DEAF1: variants seen among roughly 807,000 people sequenced by gnomAD.
DEAF1 encodes deformed epidermal autoregulatory factor 1 homolog.
DEAF1 carries 53 observed loss-of-function variants against 58.9 expected under a neutral mutation model. The ratio of observed to expected loss-of-function variants is 0.90; its 90% CI spans 0.72 to 1.13. The LOEUF (loss-of-function observed/expected upper bound fraction) is 1.13, where lower values mean the gene tolerates loss of function less well. DEAF1 is among the 50% of genes most tolerant of loss of function. DEAF1 has a pLI of 0.00. For synonymous variants in DEAF1, 385 were observed against 340.4 expected, an observed-to-expected ratio of 1.13 and a Z score of -1.44; for missense variants, 685 against 791.4, an observed-to-expected ratio of 0.87 and a Z score of 1.61.
At chr11:675,083 G>A (rs896102902) in intron 9 of DEAF1, among the ~76,000 whole-genome samples, 1 of 152,204 alleles carries the variant, frequency 6.6e-6, no homozygotes. Context: ...ACCTCGGGAG[G>A]CTGAGGCAGG....
chr11:651,695 G>T (rs1858779660), intron 11 of DEAF1, among the ~76,000 whole-genome samples: 1 of 152,154 alleles, frequency 6.6e-6, no homozygotes. Context: ...GACCATCCTG[G>T]CTAACACAGT....
At chr11:695,857 G>C (rs1263532430), upstream of DEAF1, 2 of 1,228,748 alleles carry the variant, frequency 1.6e-6, no homozygotes, top group Non-Finnish European at 2.0e-6. Flanking sequence ...GTGAGCTCGG[G>C]CGGGGTGGGG....
chr11:674,314 G>A, intron 10 of DEAF1: 1 of 610,760 alleles, frequency 1.6e-6, no homozygotes, highest in African/African-American at 1.8e-5. Context: ...CTGAAACAAA[G>A]CAACCTTATT....
At chr11:703,901 A>C in intron 1 of DEAF1, 1 of 1,240,082 alleles carries the variant, frequency 8.1e-7, no homozygotes, top group Non-Finnish European at 1.0e-6. Flanking sequence ...CAGTTTTATC[A>C]GCTTTTGCCT....
intron 2 of DEAF1, among the ~76,000 whole-genome samples, chr11:690,530 C>T (rs1328448333): frequency 2.6e-5 from 4 of 151,962 alleles, no homozygotes; most frequent in African/African-American, 9.7e-5. Flanking sequence ...AAGGCGGGCA[C>T]CTGAGGTCAG....
upstream of DEAF1, chr11:699,876 G>T (rs1452897061): frequency 2.2e-6 from 1 of 453,440 alleles, no homozygotes; most frequent in African/African-American, 2.0e-5. Context: ...CCTGTCCACA[G>T]TCAGGAGGGC....
chr11:694,592 C>T, intron 1 of DEAF1, 167 bp downstream of exon 1: 1 of 506,884 alleles, frequency 2.0e-6, no homozygotes. Flanking sequence ...TCACGTGGAG[C>T]AGGTGTGAGG....
chr11:671,826 T>TAAAAA (rs35325757), intron 10 of DEAF1, among the ~76,000 whole-genome samples: 9 of 63,634 alleles, frequency 1.4e-4, no homozygotes, highest in East Asian at 7.5e-4. Context: ...CCTTACCTCT[T>TAAAAA]AAAAAAAAAA....
chr11:660,273 CAG>C (rs1283488035), intron 10 of DEAF1, among the ~76,000 whole-genome samples: 1 of 152,204 alleles, frequency 6.6e-6, no homozygotes, highest in Non-Finnish European at 1.5e-5. Flanking sequence ...TGAGCTGGGA[CAG>C]AGTTTGCCGT....
rs1276214604 is a variant in DEAF1 at position 694,868 on chromosome 11, C to T, written c.180G>A (p.Thr60=). Residue 60 remains threonine, a synonymous_variant, in exon 1 of 12, where the codon ACG becomes ACA. Coordinates refer to ENST00000382409, the MANE Select transcript of DEAF1 (RefSeq NM_021008.4). ...EDADSEAERE[T]PRVTAVAVMA... The stretch of plus-strand genomic sequence containing the variant: ...TCACCGCCACTGCCGTGACCCGCGG[C>T]GTCTCCCGCTCCGCCTCCGAGTCTG... 3.3e-6 allele frequency: 5 copies of T among 1,499,926 alleles called. No homozygotes were observed. The highest frequency in any genetic ancestry group is 5.6e-5 in the East Asian group (2 of 35,626). The allele number at this position is 1,499,926 out of a possible 1,614,324, so 92.9% of individuals were successfully genotyped here.
At chr11:700,594 G>A (rs201434519) in intron 1 of DEAF1, 40 of 1,603,496 alleles carry the variant, frequency 2.5e-5, no homozygotes, top group African/African-American at 2.1e-4. Flanking sequence ...CTTATGTTCC[G>A]TCCGCGCCTC....
At chr11:703,644 G>C (rs986729359) in intron 1 of DEAF1, 3 of 1,232,824 alleles carry the variant, frequency 2.4e-6, no homozygotes, top group African/African-American at 1.5e-5. Context: ...GACGCAGGAT[G>C]GGGTAGGCCT....
chr11:693,939 G>A (rs1860959075), intron 1 of DEAF1, among the ~76,000 whole-genome samples: 2 of 152,090 alleles, frequency 1.3e-5, no homozygotes, highest in Non-Finnish European at 2.9e-5. Context: ...GGACTGGGAG[G>A]GGAGCCTGCA....
In DEAF1 at chr11:674,526, C is replaced by T. The variant is rs374116028; in HGVS notation, c.1503+10G>A. The stretch of plus-strand genomic sequence containing the variant: ...CACAGGTCGTGTCTTCCCATTTGTT[C>T]CAAGGTTACCTCCTTCCGCTCTGCG... On this transcript the variant is annotated intron_variant, in intron 10 of 11. Transcript: ENST00000382409. 2.4e-5 allele frequency: 38 copies of T among 1,613,674 alleles called. No homozygotes were observed. The Middle Eastern group carries it at 8.2e-4, about 35-fold the overall frequency.
At chr11:667,686 G>T (rs1859616680) in intron 10 of DEAF1, among the ~76,000 whole-genome samples, 1 of 152,198 alleles carries the variant, frequency 6.6e-6, no homozygotes, top group Non-Finnish European at 1.5e-5. Flanking sequence ...GTGTGTGCCT[G>T]TAATTCCAGC....
chr11:676,936 C>T (rs942021913), intron 9 of DEAF1, among the ~76,000 whole-genome samples: 2 of 152,188 alleles, frequency 1.3e-5, no homozygotes, highest in East Asian at 1.9e-4. Context: ...AACACGCACA[C>T]GTGCACATGA....
intron 10 of DEAF1, among the ~76,000 whole-genome samples, chr11:673,017 C>CA (rs1475421098): frequency 6.6e-6 from 1 of 151,982 alleles, no homozygotes; most frequent in Non-Finnish European, 1.5e-5. Context: ...GGCATGGCAG[C>CA]AGGCGCCTGT....
At chr11:703,472 G>A in intron 1 of DEAF1, 1 of 1,258,784 alleles carries the variant, frequency 7.9e-7, no homozygotes, top group Non-Finnish European at 1.0e-6. Flanking sequence ...AGACCCCCAT[G>A]GGCCCCCAGG....
At chr11:697,022 G>A (rs1331793960), upstream of DEAF1, among the ~76,000 whole-genome samples, 1 of 150,974 alleles carries the variant, frequency 6.6e-6, no homozygotes, top group African/African-American at 2.4e-5. Context: ...TGGTGGGGGG[G>A]GTGGGGTGCG....
Sources: allele counts gnomAD v4.1 joint callset (sites outside exome capture counted in the v4.1 genomes callset), GRCh38; gene constraint gnomAD v4.1.1; transcripts MANE v1.5; gene names NCBI Gene and HGNC (gene_info 2026-07-23, HGNC 2026-07-21).